The following MAPKAP1 variants were observed in gnomAD, a reference collection of about 807,000 sequenced individuals.
MAPKAP1 encodes target of rapamycin complex 2 subunit MAPKAP1.
Under a neutral mutation model 65.7 loss-of-function variants are expected in MAPKAP1, and 20 were observed. The observed-to-expected ratio is 0.30, with a 90% CI of 0.21 to 0.44. The LOEUF is 0.44. Ranked by LOEUF, MAPKAP1 falls within the 20% of genes least tolerant of loss-of-function variation. The probability of loss-of-function intolerance (pLI) is 1.00; values close to 1 mark genes in which losing one functional copy is unlikely to be tolerated. For synonymous variants in MAPKAP1, 222 were observed against 244.3 expected, an observed-to-expected ratio of 0.91 and a Z score of 0.85; for missense variants, 423 against 648.0, an observed-to-expected ratio of 0.65 and a Z score of 3.77.
At chr9:125,706,878 A>G in intron 1 of MAPKAP1, 93 bp downstream of exon 1, 1 of 331,372 alleles carries the variant, frequency 3.0e-6, no homozygotes, top group Non-Finnish European at 5.4e-6. Context: ...CCCGCCGGGC[A>G]GCGCTGAAAC....
chr9:125,621,814 TG>T (rs1408656683), intron 4 of MAPKAP1, among the ~76,000 whole-genome samples: 1 of 152,212 alleles, frequency 6.6e-6, no homozygotes, highest in East Asian at 1.9e-4. Context: ...ACATATTTGA[TG>T]CAAAAGGGTA....
chr9:125,444,189 G>A (rs1437233613), intron 11 of MAPKAP1, among the ~76,000 whole-genome samples: 1 of 152,244 alleles, frequency 6.6e-6, no homozygotes, highest in Non-Finnish European at 1.5e-5. Context: ...AATGGTTGCA[G>A]GAAAATAAAC....
rs28566987 is a variant in MAPKAP1, at chr9:125,547,191, C to T, written c.849-4023G>A. ...AAAAAAGTTTGTATGCCAGCACGAA[C>T]CCAACGCAAGCAGGCTTTCTGTACT... On this transcript the variant is annotated intron_variant, in intron 6 of 11. Coordinates refer to ENST00000265960, the MANE Select transcript of MAPKAP1 (RefSeq NM_001006617.3). Among the ~76,000 whole-genome samples the T allele has an allele frequency of 8.9e-3, 1,355 of 152,232 alleles. 18 individuals are homozygous for T. The highest frequency in any genetic ancestry group is 0.031 in the African/African-American group (1,290 of 41,526).
At chr9:125,635,690 T>C (rs1833403374) in intron 4 of MAPKAP1, among the ~76,000 whole-genome samples, 1 of 152,196 alleles carries the variant, frequency 6.6e-6, no homozygotes, top group South Asian at 2.1e-4. Context: ...ACCTACACTA[T>C]AAATCATGCT....
At chr9:125,578,464 A>T (rs1235866089) in intron 5 of MAPKAP1, among the ~76,000 whole-genome samples, 2 of 152,256 alleles carry the variant, frequency 1.3e-5, no homozygotes, top group East Asian at 3.8e-4. Context: ...AGCATAAAAA[A>T]AGATAGTTCT....
chr9:125,468,196 A>G, intron 9 of MAPKAP1, 87 bp from the exon 10 acceptor site: 1 of 1,427,708 alleles, frequency 7.0e-7, no homozygotes, highest in Non-Finnish European at 9.6e-7. Flanking sequence ...CTGTTTTATA[A>G]ATCTGAAATT....
At chr9:125,463,777 A>C (rs766995698) in intron 10 of MAPKAP1, among the ~76,000 whole-genome samples, 3 of 152,238 alleles carry the variant, frequency 2.0e-5, no homozygotes, top group Non-Finnish European at 2.9e-5. Context: ...TGCTTCCTTA[A>C]GATTTTATAT....
At chr9:125,506,533 T>C (rs1478806153) in intron 7 of MAPKAP1, 116 bp from the exon 8 acceptor site, 10 of 831,344 alleles carry the variant, frequency 1.2e-5, no homozygotes, top group Non-Finnish European at 2.0e-5. Flanking sequence ...TGTTAAAGTC[T>C]GTCTTGAGGG....
At chr9:125,623,137 G>A (rs1044958869) in intron 4 of MAPKAP1, among the ~76,000 whole-genome samples, 1 of 145,306 alleles carries the variant, frequency 6.9e-6, no homozygotes, top group South Asian at 2.4e-4. Flanking sequence ...GCATGATCTC[G>A]GCTCACGACA....
intron 4 of MAPKAP1, among the ~76,000 whole-genome samples, chr9:125,644,081 T>C (rs1312533762): frequency 6.6e-6 from 1 of 152,340 alleles, no homozygotes; most frequent in South Asian, 2.1e-4. Context: ...GCATTCAGCC[T>C]TCCCCAAAAG....
At chr9:125,552,897 A>G (rs570476109) in intron 6 of MAPKAP1, among the ~76,000 whole-genome samples, 14 of 152,256 alleles carry the variant, frequency 9.2e-5, no homozygotes, top group Admixed American at 5.2e-4. Flanking sequence ...GTCTCTAAAA[A>G]TTTTTTTAAA....
rs142879193 is a variant in MAPKAP1 at position 125,700,322 on chromosome 9, C to T, written c.-70+6649G>A. Among the ~76,000 whole-genome samples the T allele has an allele frequency of 7.9e-5, 12 of 152,244 alleles. No homozygotes were observed. The East Asian group carries it at 2.3e-3, about 29-fold the overall frequency. On this transcript the variant is annotated intron_variant, in intron 1 of 11. Coordinates refer to ENST00000265960, the MANE Select transcript of MAPKAP1 (RefSeq NM_001006617.3). ...TACCTTAAAATGAGTCCATAAGGAA[C>T]TGGAAAATGTTATTTTTTTTGAAGT...
Position 125,693,550 on chromosome 9 carries a change from T to C in MAPKAP1, c.-70+13421A>G, listed in dbSNP as rs929563470. 2.2e-5 allele frequency among the ~76,000 whole-genome samples: 3 copies of C among 137,360 alleles called. 1 individual carries two copies. Among genetic ancestry groups the C allele is most frequent in the African/African-American group, 5.6e-5 (2 of 35,472 alleles). The allele number at this position is 137,360 out of a possible 152,430, so 90.1% of individuals were successfully genotyped here. Reference sequence around the variant, plus strand: ...ACACATATACACACACATATATACATATACACACACATATATACATACACA... The same window carrying C: ...ACACATATACACACACATATATACACATACACACACATATATACATACACA... On this transcript the variant is annotated intron_variant, in intron 1 of 11. Coordinates refer to ENST00000265960, the MANE Select transcript of MAPKAP1 (RefSeq NM_001006617.3).
At chr9:125,450,899 A>C (rs1235341680) in intron 10 of MAPKAP1, among the ~76,000 whole-genome samples, 2 of 152,198 alleles carry the variant, frequency 1.3e-5, no homozygotes, top group African/African-American at 4.8e-5. Context: ...CACCGTAAGC[A>C]ACAGTTCTGG....
At chr9:125,533,512 C>G (rs535416261) in intron 7 of MAPKAP1, among the ~76,000 whole-genome samples, 5 of 151,948 alleles carry the variant, frequency 3.3e-5, no homozygotes, top group Non-Finnish European at 7.4e-5. Context: ...TACAGTGGCA[C>G]GATCTTGGCT....
At chr9:125,585,245 T>A (rs941423453) in intron 5 of MAPKAP1, among the ~76,000 whole-genome samples, 1 of 152,088 alleles carries the variant, frequency 6.6e-6, no homozygotes, top group African/African-American at 2.4e-5. Flanking sequence ...GCCCAATGCA[T>A]GATTGGTGCT....
At chr9:125,578,193 C>CG (rs1831506883) in intron 5 of MAPKAP1, among the ~76,000 whole-genome samples, 1 of 152,148 alleles carries the variant, frequency 6.6e-6, no homozygotes, top group South Asian at 2.1e-4. Context: ...GGATTAAGGG[C>CG]GTGCAAGATG....
chr9:125,597,784 G>A (rs1436305621), intron 4 of MAPKAP1, among the ~76,000 whole-genome samples: 2 of 152,132 alleles, frequency 1.3e-5, no homozygotes, highest in Non-Finnish European at 2.9e-5. Flanking sequence ...AGAGTTATTT[G>A]CAGCCTTCAA....
At position 125,498,110 on chromosome 9, in the gene MAPKAP1, T is replaced by C. The variant is rs141364566; in HGVS notation, c.1066+8200A>G. Among the ~76,000 whole-genome samples the C allele has an allele frequency of 3.2e-3, 480 of 152,328 alleles. 2 individuals are homozygous for C. The highest frequency in any genetic ancestry group is 6.8e-3 in the Middle Eastern group (2 of 294). On this transcript the variant is annotated intron_variant, in intron 8 of 11. Coordinates refer to ENST00000265960, the MANE Select transcript of MAPKAP1 (RefSeq NM_001006617.3). ...GCAGGCATTTGGCTGAAGGATGTAG[T>C]AGATTATCCGACAAGAATCCAAACT...
Sources: gnomAD v4.1 joint callset for allele counts (sites outside exome capture counted in the v4.1 genomes callset) on GRCh38, gnomAD v4.1.1 for gene constraint, MANE v1.5 for transcripts, NCBI Gene and HGNC (gene_info 2026-07-23, HGNC 2026-07-21) for gene names.